SMARCC1: variants seen among roughly 807,000 people sequenced by gnomAD.
SMARCC1 encodes the protein SWI/SNF related BAF chromatin remodeling complex subunit C1, also known as SWI/SNF complex subunit SMARCC1.
Under a neutral mutation model 147.4 loss-of-function variants are expected in SMARCC1, and 43 were observed. The ratio of observed to expected loss-of-function variants is 0.29; its 90% CI spans 0.23 to 0.38. SMARCC1 has a LOEUF of 0.38. Among genes scored for constraint, SMARCC1 ranks in the 10% least tolerant of loss-of-function variants. The pLI is 1.00. For missense variants in SMARCC1, 1,119 were observed against 1,381.1 expected, an observed-to-expected ratio of 0.81 and a Z score of 3.01; for synonymous variants, 495 against 484.4, an observed-to-expected ratio of 1.02 and a Z score of -0.29.
rs1273721480 is a variant in SMARCC1 at position 47,781,067 on chromosome 3, G to A, written c.195+536C>T. ...CGTACAAGCGACCATCAACTCTCAC[G>A]CCACACAGAACCAGAAGCACGATGA... is the stretch of plus-strand genomic sequence containing the variant. On this transcript the variant is annotated intron_variant, in intron 1 of 27. Coordinates refer to ENST00000254480, the MANE Select transcript of SMARCC1 (RefSeq NM_003074.4). Among the ~76,000 whole-genome samples the A allele has an allele frequency of 2.0e-5, 3 of 152,086 alleles. No individual in the cohort carries two copies. The East Asian group carries it at 5.8e-4, about 29-fold the overall frequency.
At chr3:47,776,439 T>TA (rs1196404699) in intron 1 of SMARCC1, among the ~76,000 whole-genome samples, 1 of 151,916 alleles carries the variant, frequency 6.6e-6, no homozygotes, top group Admixed American at 6.6e-5. Flanking sequence ...CCATCTCTAC[T>TA]AAAAAAATAC....
chr3:47,606,139 T>C (rs2032470296), intron 26 of SMARCC1, among the ~76,000 whole-genome samples: 1 of 152,196 alleles, frequency 6.6e-6, no homozygotes, highest in African/African-American at 2.4e-5. Flanking sequence ...ACTCAATAAT[T>C]CTTTCCTTTA....
chr3:47,695,055 G>C (rs1468112648), intron 11 of SMARCC1, among the ~76,000 whole-genome samples: 2 of 152,154 alleles, frequency 1.3e-5, no homozygotes, highest in Non-Finnish European at 2.9e-5. Flanking sequence ...ATAGTAACGG[G>C]AAAAAATGTG....
At chr3:47,684,839 G>A (rs1464378002) in intron 14 of SMARCC1, among the ~76,000 whole-genome samples, 1 of 152,064 alleles carries the variant, frequency 6.6e-6, no homozygotes. Flanking sequence ...GGGCCATTAA[G>A]TTTTTTCCTA....
chr3:47,659,771 G>GGGGGGA (rs1553680844), intron 21 of SMARCC1, among the ~76,000 whole-genome samples: 1 of 90,060 alleles, frequency 1.1e-5, no homozygotes, highest in Non-Finnish European at 2.2e-5. Flanking sequence ...GGGGGGGGGG[G>GGGGGGA]CAAGAATCTG....
At chr3:47,644,633 G>T (rs1285232219) in intron 21 of SMARCC1, among the ~76,000 whole-genome samples, 1 of 152,028 alleles carries the variant, frequency 6.6e-6, no homozygotes, top group Non-Finnish European at 1.5e-5. Context: ...TCAGCCTCCT[G>T]AGTAGCTGGG....
intron 3 of SMARCC1, among the ~76,000 whole-genome samples, chr3:47,739,960 T>C (rs1158537443): frequency 6.6e-6 from 1 of 152,026 alleles, no homozygotes; most frequent in African/African-American, 2.4e-5. Flanking sequence ...CACCACAACC[T>C]CCGCTTCCTG....
intron 2 of SMARCC1, among the ~76,000 whole-genome samples, chr3:47,758,841 C>G (rs2106858574): frequency 6.6e-6 from 1 of 151,994 alleles, no homozygotes; most frequent in South Asian, 2.1e-4. Context: ...TGAGACCAGC[C>G]TGGCCAAGAT....
rs577147762 is a variant in SMARCC1 at position 47,703,883 on chromosome 3, G to A, written c.1041-2481C>T. On this transcript the variant is annotated intron_variant, in intron 10 of 27. Coordinates refer to ENST00000254480, the MANE Select transcript of SMARCC1 (RefSeq NM_003074.4). ...GCGATCTCAGCTCACTGCAAGCTCC[G>A]CCTCCTGGGTTCATGCCATTCTCCT... Among the ~76,000 whole-genome samples the A allele has an allele frequency of 3.5e-4, 54 of 152,200 alleles. No homozygotes were observed. The East Asian group carries it at 7.9e-3, about 22-fold the overall frequency.
At chr3:47,622,629 A>G (rs1414678138) in intron 24 of SMARCC1, among the ~76,000 whole-genome samples, 1 of 152,116 alleles carries the variant, frequency 6.6e-6, no homozygotes, top group East Asian at 1.9e-4. Flanking sequence ...AAAGATGAGG[A>G]CAGGAGGTAC....
rs771511564 is a variant in SMARCC1, at chr3:47,635,140, G to A, written c.2646+50C>T. 26 of 1,523,098 alleles carry A rather than the reference G, an allele frequency of 1.7e-5. No individual in the cohort carries two copies. The South Asian group carries it at 2.1e-4, about 12-fold the overall frequency. 94.3% of individuals were successfully genotyped at this position (1,523,098 alleles called of 1,614,324 possible). On this transcript the variant is annotated intron_variant, in intron 24 of 27. Transcript: ENST00000254480. ...GTTCCCAATTAACTAAAAACAATAC[G>A]ACCATTCATGCCTTAAGAGAGCACT...
rs1198182963 is a variant in SMARCC1, at chr3:47,686,136, C to A, written c.1298G>T (p.Arg433Leu). ...ATTATCTTCCCCAAGGTCAACTGATCGACTCTGATCACCTTTGGCAGGATC... is the reference window on the plus strand; with the variant it reads ...ATTATCTTCCCCAAGGTCAACTGATAGACTCTGATCACCTTTGGCAGGATC... ...DEDPAKGDQS[R>L]SVDLGEDNVT... Residue 433 changes from arginine (R) to leucine (L), a missense_variant, in exon 14 of 28, where the codon CGA becomes CTA. Physicochemically the swap from Arg to Leu is moderately radical, Grantham distance 102 (BLOSUM62 -2). Coordinates refer to ENST00000254480, the MANE Select transcript of SMARCC1 (RefSeq NM_003074.4). The A allele has an allele frequency of 1.2e-6, 2 of 1,611,926 alleles. No individual in the cohort carries two copies. The highest frequency in any genetic ancestry group is 1.7e-5 in the Admixed American group (1 of 60,014).
intron 7 of SMARCC1, 131 bp from the exon 8 acceptor site, chr3:47,714,621 C>A (rs1293550528): frequency 1.7e-6 from 1 of 575,310 alleles, no homozygotes; most frequent in Non-Finnish European, 3.1e-6. Flanking sequence ...GGTGAAACTG[C>A]GTCTCTACCA....
chr3:47,762,528 C>T (rs2034784990), intron 2 of SMARCC1, among the ~76,000 whole-genome samples: 2 of 152,236 alleles, frequency 1.3e-5, no homozygotes, highest in African/African-American at 4.8e-5. Context: ...AGTTCAATCA[C>T]ACCACCACAT....
chr3:47,595,232 T>G (rs2032253726), intron 26 of SMARCC1, among the ~76,000 whole-genome samples: 1 of 152,234 alleles, frequency 6.6e-6, no homozygotes, highest in South Asian at 2.1e-4. Flanking sequence ...AAAATTTTTT[T>G]TAAACACATG....
chr3:47,621,321 AAAG>A (rs1387251630), intron 25 of SMARCC1, among the ~76,000 whole-genome samples: 1 of 151,926 alleles, frequency 6.6e-6, no homozygotes, highest in Non-Finnish European at 1.5e-5. Context: ...AAAAAAAAGA[AAAG>A]AAATCGTTCT....
At chr3:47,608,378 C>T (rs1312601641) in intron 26 of SMARCC1, among the ~76,000 whole-genome samples, 2 of 152,184 alleles carry the variant, frequency 1.3e-5, no homozygotes, top group Non-Finnish European at 2.9e-5. Context: ...TGAACCATTG[C>T]GCCCGGCCTA....
At chr3:47,602,045 G>A (rs2032396170) in intron 26 of SMARCC1, among the ~76,000 whole-genome samples, 1 of 151,968 alleles carries the variant, frequency 6.6e-6, no homozygotes, top group African/African-American at 2.4e-5. Flanking sequence ...TCCAGGGGTG[G>A]GTTAGAAAGT....
At chr3:47,676,579 A>G in intron 17 of SMARCC1, 50 bp downstream of exon 17, 2 of 1,384,002 alleles carry the variant, frequency 1.4e-6, no homozygotes, top group Non-Finnish European at 1.0e-6. Flanking sequence ...TATGCTATAA[A>G]TGGCCATTTG....
Sources: gnomAD v4.1 joint callset for allele counts (sites outside exome capture counted in the v4.1 genomes callset) on GRCh38, gnomAD v4.1.1 for gene constraint, MANE v1.5 for transcripts, NCBI Gene and HGNC (gene_info 2026-07-23, HGNC 2026-07-21) for gene names.